Variants in TTC7A observed in about 807,000 individuals in gnomAD.
TTC7A encodes the protein tetratricopeptide repeat domain 7A, also known as tetratricopeptide repeat protein 7A.
In TTC7A, 110 loss-of-function variants were observed where a neutral mutation model predicts 103.7. The ratio of observed to expected loss-of-function variants is 1.06; its 90% confidence interval spans 0.91 to 1.24. The LOEUF (loss-of-function observed/expected upper bound fraction) is 1.24. TTC7A is among the 50% of genes most tolerant of loss of function. The pLI is 0.00. For missense variants in TTC7A, 1,340 were observed against 1,116.3 expected, an observed-to-expected ratio of 1.20 and a Z score of -2.86; for synonymous variants, 521 against 467.9, an observed-to-expected ratio of 1.11 and a Z score of -1.47.
At chr2:47,035,185 T>G (rs753560961) in intron 15 of TTC7A, 1 of 152,210 alleles carries the variant, frequency 6.6e-6, no homozygotes, top group Non-Finnish European at 1.5e-5. Flanking sequence ...AAACCCAGTG[T>G]GTTTATTTGA....
chr2:47,073,772 A>G lies in TTC7A; in HGVS notation c.2426A>G (p.Gln809Arg), dbSNP rs1406499363. The G allele has an allele frequency of 2.5e-6, 4 of 1,613,826 alleles. No individual in the cohort carries two copies. Among genetic ancestry groups the G allele is most frequent in the Admixed American group, 1.7e-5 (1 of 60,032 alleles). Reference protein sequence around the residue: ...QKVLRDAVERQSTCHEAWQGL... With the variant: ...QKVLRDAVERRSTCHEAWQGL... ...GTGCTTCGTGATGCCGTGGAGAGGC[A>G]GAGTACGTGCCACGAGGCGTGGCAG... The change falls in exon 20 of 20, where the codon CAG (glutamine) becomes CGG (arginine). Residue 809 changes from glutamine (Q) to arginine (R), a missense_variant. Gln to Arg is a conservative substitution (Grantham distance 43, BLOSUM62 1). Transcript: ENST00000319190.
In TTC7A at chr2:46,921,168, C is replaced by A. The variant is rs906370761; in HGVS notation, c.82+3891C>A. On this transcript the variant is annotated intron_variant, in intron 2 of 20. Coordinates refer to the TTC7A transcript ENST00000409245. ...CTTTAGTATATTCATTATACTAGAG[C>A]TTTAAGCCGTTAGAGAACAAGATAT... 4.6e-5 allele frequency among the ~76,000 whole-genome samples: 7 copies of A among 152,208 alleles called. No homozygotes were observed. In the South Asian group the frequency reaches 1.5e-3, roughly 32 times the overall value.
chr2:47,067,316 C>A (rs186991874), intron 19 of TTC7A, among the ~76,000 whole-genome samples: 2 of 152,214 alleles, frequency 1.3e-5, no homozygotes, highest in East Asian at 3.8e-4. Context: ...GATAAGTCAA[C>A]GTTGGGCATT....
chr2:46,945,157 A>G (rs1670823367), intron 1 of TTC7A, among the ~76,000 whole-genome samples: 1 of 152,038 alleles, frequency 6.6e-6, no homozygotes, highest in African/African-American at 2.4e-5. Context: ...CTTAGAGACA[A>G]GGTCTTACTC....
chr2:46,983,414 G>A (rs2104306543), intron 5 of TTC7A, among the ~76,000 whole-genome samples: 1 of 152,334 alleles, frequency 6.6e-6, no homozygotes, highest in African/African-American at 2.4e-5. Context: ...TCATGGCCCG[G>A]CAGTTGAAGC....
At chr2:47,052,601 G>T (rs554653095) in intron 18 of TTC7A, among the ~76,000 whole-genome samples, 1 of 152,188 alleles carries the variant, frequency 6.6e-6, no homozygotes. Flanking sequence ...GGGACTCGCT[G>T]CCAAGAGTTT....
intron 10 of TTC7A, among the ~76,000 whole-genome samples, chr2:47,009,431 T>C (rs1225126500): frequency 6.6e-6 from 1 of 152,158 alleles, no homozygotes; most frequent in African/African-American, 2.4e-5. Context: ...AGCCCAGTAC[T>C]GGGTGAGAGC....
intron 3 of TTC7A, among the ~76,000 whole-genome samples, chr2:46,973,492 C>T (rs1273336941): frequency 2.0e-5 from 3 of 152,214 alleles, no homozygotes; most frequent in East Asian, 1.9e-4. Context: ...CTCCCACTGC[C>T]GCAGGTTGCC....
At chr2:47,015,708 A>G (rs1438517513) in intron 11 of TTC7A, among the ~76,000 whole-genome samples, 1 of 152,202 alleles carries the variant, frequency 6.6e-6, no homozygotes, top group Non-Finnish European at 1.5e-5. Flanking sequence ...CAGCCCCTTG[A>G]AAATAGCAGG....
chr2:47,024,535 C>T (rs143290515), intron 14 of TTC7A, among the ~76,000 whole-genome samples, 176 bp downstream of exon 14: 135 of 152,186 alleles, frequency 8.9e-4, no homozygotes, highest in African/African-American at 3.1e-3. Context: ...AGGATGAGGT[C>T]AGGTAATGTG....
rs1280778209 is a variant in TTC7A, at chr2:47,073,782, C to T, written c.2436C>T (p.Cys812=). Residue 812 remains cysteine (C), a synonymous_variant, in exon 20 of 20, where the codon TGC becomes TGT. Transcript: ENST00000319190. ...ATGCCGTGGAGAGGCAGAGTACGTG[C>T]CACGAGGCGTGGCAGGGCCTGGGCG... ...LRDAVERQST[C]HEAWQGLGEV... 3 of 1,613,816 alleles carry T rather than the reference C, an allele frequency of 1.9e-6. No individual in the cohort carries two copies. The highest frequency in any genetic ancestry group is 2.5e-6 in the Non-Finnish European group (3 of 1,180,024).
chr2:47,006,861 G>A, intron 10 of TTC7A, 137 bp downstream of exon 10: 4 of 703,706 alleles, frequency 5.7e-6, no homozygotes, highest in South Asian at 1.6e-5. Flanking sequence ...AGAGTGAGGG[G>A]CGTGGGGTGG....
intron 10 of TTC7A, 123 bp downstream of exon 10, chr2:47,006,847 C>T (rs1337931842): frequency 2.3e-5 from 18 of 787,650 alleles, no homozygotes; most frequent in Admixed American, 6.1e-5. Flanking sequence ...TTTGAACCTC[C>T]GGGAGAGTGA....
intron 19 of TTC7A, among the ~76,000 whole-genome samples, chr2:47,064,012 C>T (rs1397685941): frequency 6.6e-6 from 1 of 152,230 alleles, no homozygotes; most frequent in African/African-American, 2.4e-5. Flanking sequence ...AGCAGATTCT[C>T]TACTCTCCCT....
At chr2:46,942,894 T>G (rs1670567043) in intron 1 of TTC7A, among the ~76,000 whole-genome samples, 1 of 151,832 alleles carries the variant, frequency 6.6e-6, no homozygotes, top group Non-Finnish European at 1.5e-5. Flanking sequence ...TTGTTTTTGT[T>G]TTTGTTTGTT....
intron 13 of TTC7A, 124 bp downstream of exon 13, chr2:47,023,589 G>A (rs1369336278): frequency 3.8e-6 from 4 of 1,057,394 alleles, no homozygotes; most frequent in African/African-American, 1.6e-5. Flanking sequence ...TTACAGATGA[G>A]GGAACTGCAC....
chr2:46,942,093 T>C (rs1052973649), intron 1 of TTC7A, among the ~76,000 whole-genome samples: 1 of 152,188 alleles, frequency 6.6e-6, no homozygotes, highest in African/African-American at 2.4e-5. Context: ...AGTGTGTCTG[T>C]GTCGTCTTTG....
intron 2 of TTC7A, among the ~76,000 whole-genome samples, chr2:46,921,876 C>A (rs1669122946): frequency 6.7e-6 from 1 of 150,282 alleles, no homozygotes. Flanking sequence ...TGATCTGACA[C>A]TGACAGGAGG....
intron 2 of TTC7A, among the ~76,000 whole-genome samples, chr2:46,928,402 A>G (rs1669511421): frequency 6.7e-6 from 1 of 150,048 alleles, no homozygotes; most frequent in African/African-American, 2.5e-5. Flanking sequence ...AACTGAGGCT[A>G]GAATCTCATG....
Sources: gnomAD v4.1 joint callset for allele counts (sites outside exome capture counted in the v4.1 genomes callset) on GRCh38, gnomAD v4.1.1 for gene constraint, MANE v1.5 for transcripts, NCBI Gene and HGNC (gene_info 2026-07-23, HGNC 2026-07-21) for gene names.